Variants in RAB3A observed in about 807,000 individuals in gnomAD.
RAB3A encodes RAB3A, member RAS oncogene family, also known as ras-related protein Rab-3A.
A neutral mutation model predicts 19.7 loss-of-function variants in RAB3A; 5 were observed. That is an observed-to-expected ratio of 0.25 (90% CI 0.13 to 0.53). The LOEUF (loss-of-function observed/expected upper bound fraction) is 0.53, where lower values mean the gene tolerates loss of function less well. Ranked by LOEUF, RAB3A falls within the 20% of genes least tolerant of loss-of-function variation. RAB3A has a pLI of 0.95. For missense variants in RAB3A, 189 were observed against 305.6 expected, an observed-to-expected ratio of 0.62 and a Z score of 2.85; for synonymous variants, 119 against 122.1, an observed-to-expected ratio of 0.97 and a Z score of 0.17.
chr19:18,200,889 C>T (rs1044338432), intron 2 of RAB3A, among the ~76,000 whole-genome samples: 2 of 151,850 alleles, frequency 1.3e-5, no homozygotes, highest in South Asian at 2.1e-4. Flanking sequence ...GAGGTGAGAT[C>T]GCGCCACTGC....
Position 18,197,319 on chromosome 19 carries a change from A to T in RAB3A, c.*151T>A. 1.3e-6 allele frequency: 1 copy of T among 743,650 alleles called. No homozygotes were observed. The highest frequency in any genetic ancestry group is 2.1e-6 in the Non-Finnish European group (1 of 476,706). The allele number at this position is 743,650 out of a possible 1,614,324, so 46.1% of individuals were successfully genotyped here. A position where few individuals can be genotyped will look rare whatever the true frequency, so the allele number is the denominator to read the frequency against. On this transcript the variant is annotated 3_prime_UTR_variant, in exon 5 of 5. Coordinates refer to ENST00000222256, the MANE Select transcript of RAB3A (RefSeq NM_002866.5). ...GGCCCCTGGGGGACATCTTCAATAA[A>T]TAAATAAATAGCTACAATAATAAAT... is the stretch of plus-strand genomic sequence containing the variant.
rs550082601 is a variant in RAB3A, at chr19:18,197,170, A to C, written c.*300T>G. 1.4e-5 allele frequency: 3 copies of C among 212,100 alleles called. No individual in the cohort carries two copies. The highest frequency in any genetic ancestry group is 2.3e-5 in the Non-Finnish European group (3 of 130,850). The allele number at this position is 212,100 out of a possible 1,614,324, so 13.1% of individuals were successfully genotyped here. A position where few individuals can be genotyped will look rare whatever the true frequency, so the allele number is the denominator to read the frequency against. On this transcript the variant is annotated 3_prime_UTR_variant, in exon 5 of 5. Transcript: ENST00000222256. ...GTGGATGGGGGTGAATTTTAAAAAA[A>C]GGCGGGGGGGGGGGGTTCAGGAGGG...
chr19:18,199,182 A>G (rs1568652128), intron 3 of RAB3A, among the ~76,000 whole-genome samples: 1 of 151,828 alleles, frequency 6.6e-6, no homozygotes, highest in Non-Finnish European at 1.5e-5. Flanking sequence ...TTTGAGATAG[A>G]GTCTTGCTCT....
chr19:18,198,654 G>A (rs780683120), intron 4 of RAB3A, 71 bp downstream of exon 4: 6 of 1,586,330 alleles, frequency 3.8e-6, no homozygotes, highest in African/African-American at 2.7e-5. Context: ...TAAGACCTTG[G>A]GTGTGTGCCC....
chr19:18,197,807 T>A (rs1600027287), intron 4 of RAB3A, 147 bp from the exon 5 acceptor site: 4 of 124,504 alleles, frequency 3.2e-5, no homozygotes, highest in Non-Finnish European at 8.8e-5. Flanking sequence ...GAGAAGAAAC[T>A]TATTGAAGGT....
Position 18,197,587 on chromosome 19 carries a change from G to C in RAB3A, c.546C>G (p.Val182=), listed in dbSNP as rs1396990413. 6.2e-7 allele frequency: 1 copy of C among 1,614,072 alleles called. No individual in the cohort carries two copies. Among genetic ancestry groups the C allele is most frequent in the Non-Finnish European group, 8.5e-7 (1 of 1,179,998 alleles). ...VKQTFERLVD[V]ICEKMSESLD... ...ACGACTCGGACATCTTCTCGCAGAT[G>C]ACATCCACCAGGCGCTCAAAGGTCT... The change falls in exon 5 of 5, where the codon GTC becomes GTG. Residue 182 remains valine, a synonymous_variant. Transcript: ENST00000222256.
chr19:18,197,356 G>T lies in RAB3A; in HGVS notation c.*114C>A. The stretch of plus-strand genomic sequence containing the variant: ...CTACAATAATAAATAAGGGTGACGG[G>T]CTAAGTCAGGAGCAGGGGTCTTGTG... On this transcript the variant is annotated 3_prime_UTR_variant, in exon 5 of 5. Transcript: ENST00000222256. 2.1e-6 allele frequency: 2 copies of T among 934,644 alleles called. No individual in the cohort carries two copies. Among genetic ancestry groups the T allele is most frequent in the Non-Finnish European group, 3.2e-6 (2 of 623,090 alleles). The allele number at this position is 934,644 out of a possible 1,614,324, so 57.9% of individuals were successfully genotyped here. A position where few individuals can be genotyped will look rare whatever the true frequency, so the allele number is the denominator to read the frequency against.
chr19:18,198,857 A>G lies in RAB3A; in HGVS notation c.348-8T>C. The G allele has an allele frequency of 1.2e-6, 2 of 1,613,284 alleles. No homozygotes were observed. The highest frequency in any genetic ancestry group is 1.7e-6 in the Non-Finnish European group (2 of 1,179,582). ...GTCTTGATCTGGGTGGACCTATAGG[A>G]GGCACCAATGGGGGCAGGTCAGGGC... On this transcript the variant is annotated splice_region_variant and splice_polypyrimidine_tract_variant and intron_variant, in intron 3 of 4. Coordinates refer to ENST00000222256, the MANE Select transcript of RAB3A (RefSeq NM_002866.5).
At position 18,198,984 on chromosome 19, in the gene RAB3A, C is replaced by T. The variant is rs1600028920; in HGVS notation, c.348-135G>A. On this transcript the variant is annotated intron_variant, in intron 3 of 4. Coordinates refer to ENST00000222256, the MANE Select transcript of RAB3A (RefSeq NM_002866.5). ...TTGCCCCTCCATCCTCCCCACCATCCTTTCCCCCAATGTGCCCCGCTTTCA... is the reference window on the plus strand; with the variant it reads ...TTGCCCCTCCATCCTCCCCACCATCTTTTCCCCCAATGTGCCCCGCTTTCA... 9.7e-6 allele frequency: 11 copies of T among 1,133,976 alleles called. No homozygotes were observed. In the South Asian group the frequency reaches 1.5e-4, roughly 15 times the overall value. The allele number at this position is 1,133,976 out of a possible 1,614,324, so 70.2% of individuals were successfully genotyped here.
Position 18,203,927 on chromosome 19 carries a change from G to A in RAB3A, c.-32C>T, listed in dbSNP as rs1367281378. ...CTGCACCGATGCAACGGCGACCCTA[G>A]CGGCGGTGACTTTTTTGGCGGTGGC... On this transcript the variant is annotated 5_prime_UTR_variant, in exon 1 of 5. Transcript: ENST00000222256. The A allele has an allele frequency of 6.4e-6, 1 of 156,190 alleles. No homozygotes were observed. The highest frequency in any genetic ancestry group is 2.4e-5 in the African/African-American group (1 of 41,488). 9.7% of individuals were successfully genotyped at this position (156,190 alleles called of 1,614,324 possible). A position where few individuals can be genotyped will look rare whatever the true frequency, so the allele number is the denominator to read the frequency against.
chr19:18,200,197 CA>C, intron 3 of RAB3A, 129 bp downstream of exon 3: 1 of 636,314 alleles, frequency 1.6e-6, no homozygotes, highest in Non-Finnish European at 2.6e-6. Flanking sequence ...GCAGGAGGAT[CA>C]CTTGAGCCCA....
rs567833592 is a variant in RAB3A at position 18,197,315 on chromosome 19, A to G, written c.*155T>C. The G allele has an allele frequency of 2.5e-5, 18 of 720,068 alleles. No homozygotes were observed. In the South Asian group the frequency reaches 3.3e-4, roughly 13 times the overall value. 44.6% of individuals were successfully genotyped at this position (720,068 alleles called of 1,614,324 possible). ...CCTGGGCCCCTGGGGGACATCTTCAATAAATAAATAAATAGCTACAATAAT... is the reference window on the plus strand; with the variant it reads ...CCTGGGCCCCTGGGGGACATCTTCAGTAAATAAATAAATAGCTACAATAAT... On this transcript the variant is annotated 3_prime_UTR_variant, in exon 5 of 5. Coordinates refer to ENST00000222256, the MANE Select transcript of RAB3A (RefSeq NM_002866.5).
chr19:18,197,592 C>T lies in RAB3A; in HGVS notation c.541G>A (p.Asp181Asn). Residue 181 changes from aspartate to asparagine, a missense_variant, in exon 5 of 5, where the codon GAT becomes AAT. By Grantham distance (23) the Asp-to-Asn change is conservative. Coordinates refer to ENST00000222256, the MANE Select transcript of RAB3A (RefSeq NM_002866.5). ...TCGGACATCTTCTCGCAGATGACAT[C>T]CACCAGGCGCTCAAAGGTCTGCTTG... ...NVKQTFERLV[D>N]VICEKMSESL... is the part of the protein sequence containing the mutation. 6.2e-7 allele frequency: 1 copy of T among 1,614,064 alleles called. No homozygotes were observed. Among genetic ancestry groups the T allele is most frequent in the Non-Finnish European group, 8.5e-7 (1 of 1,180,000 alleles).
chr19:18,202,347 A>G lies in RAB3A; in HGVS notation c.228+166T>C. ...ACCAGGATTAGGTGCTTATGGGAGAACACAGGTGCTGTTTCTGCCCCGGTA... is the reference window on the plus strand; with the variant it reads ...ACCAGGATTAGGTGCTTATGGGAGAGCACAGGTGCTGTTTCTGCCCCGGTA... On this transcript the variant is annotated intron_variant, in intron 2 of 4. Transcript: ENST00000222256. The surrounding 1 kb of genome is among the most constrained non-coding windows in gnomAD (Gnocchi z 4.2). 1.6e-6 allele frequency: 1 copy of G among 612,348 alleles called. No homozygotes were observed. The highest frequency in any genetic ancestry group is 1.9e-5 in the South Asian group (1 of 52,162). The allele number at this position is 612,348 out of a possible 1,614,324, so 37.9% of individuals were successfully genotyped here.
At chr19:18,200,658 G>A (rs1600030934) in intron 2 of RAB3A, among the ~76,000 whole-genome samples, 1 of 152,296 alleles carries the variant, frequency 6.6e-6, no homozygotes, top group East Asian at 1.9e-4. Flanking sequence ...TACTGTGCCA[G>A]GTGCTGTGGC....
At chr19:18,201,814 G>T (rs542086721) in intron 2 of RAB3A, among the ~76,000 whole-genome samples, 1 of 152,122 alleles carries the variant, frequency 6.6e-6, no homozygotes, top group East Asian at 1.9e-4. Context: ...TTAACTGTAG[G>T]TTTAAAAATT....
At chr19:18,198,699 G>T in intron 4 of RAB3A, 26 bp downstream of exon 4, 9 of 1,612,944 alleles carry the variant, frequency 5.6e-6, no homozygotes, top group Non-Finnish European at 6.8e-6. Context: ...TAGACTTGTG[G>T]GTCTCCAGCC....
chr19:18,201,833 C>G (rs1967617262), intron 2 of RAB3A, among the ~76,000 whole-genome samples: 1 of 152,102 alleles, frequency 6.6e-6, no homozygotes, highest in Non-Finnish European at 1.5e-5. Context: ...TTAAAGGAAG[C>G]TGACACTTGC....
chr19:18,197,696 C>T (rs1967550417), intron 4 of RAB3A, 36 bp from the exon 5 acceptor site: 4 of 1,559,524 alleles, frequency 2.6e-6, no homozygotes, highest in Non-Finnish European at 3.5e-6. Flanking sequence ...GGACCCTGGC[C>T]ACGCCCTATG....
Sources: gnomAD v4.1 joint callset for allele counts (sites outside exome capture counted in the v4.1 genomes callset) on GRCh38, gnomAD v4.1.1 for gene constraint, Gnocchi (gnomAD v3.1) non-coding constraint, MANE v1.5 for transcripts, NCBI Gene and HGNC (gene_info 2026-07-23, HGNC 2026-07-21) for gene names.